Variants in DENND1A observed in about 807,000 individuals in gnomAD.
The protein encoded by DENND1A is DENN domain-containing protein 1A.
Under a neutral mutation model 113.7 loss-of-function variants are expected in DENND1A, and 51 were observed. The observed-to-expected ratio is 0.45, with a 90% CI of 0.36 to 0.57. The LOEUF (loss-of-function observed/expected upper bound fraction) is 0.57. Ranked by LOEUF, DENND1A falls within the 20% of genes least tolerant of loss-of-function variation. The probability of loss-of-function intolerance (pLI) is 0.00; values close to 1 mark genes in which losing one functional copy is unlikely to be tolerated. For missense variants in DENND1A, 1,258 were observed against 1,395.9 expected (o/e 0.90, Z 1.57); for synonymous variants, 565 against 570.8 (o/e 0.99, Z 0.14).
intron 8 of DENND1A, among the ~76,000 whole-genome samples, chr9:123,661,029 A>G (rs2063208235): frequency 3.3e-5 from 5 of 152,364 alleles, no homozygotes; most frequent in Admixed American, 2.6e-4. Flanking sequence ...GATCTGGCCC[A>G]AGCTGACAAG....
intron 1 of DENND1A, among the ~76,000 whole-genome samples, chr9:123,896,331 A>G (rs899675809): frequency 2.1e-5 from 3 of 145,684 alleles, no homozygotes; most frequent in Non-Finnish European, 3.1e-5. Flanking sequence ...ACAAACAAAC[A>G]AAAAAAAAAA....
At chr9:123,776,378 A>T (rs1202041186) in intron 3 of DENND1A, among the ~76,000 whole-genome samples, 1 of 152,204 alleles carries the variant, frequency 6.6e-6, no homozygotes. Context: ...AATATGTTCA[A>T]ACATAGGGAA....
intron 2 of DENND1A, among the ~76,000 whole-genome samples, chr9:123,826,886 G>A (rs759464313): frequency 2.2e-4 from 34 of 152,030 alleles, no homozygotes; most frequent in African/African-American, 5.1e-4. Flanking sequence ...AGAAACAGAC[G>A]AGGAAATACA....
intron 7 of DENND1A, 49 bp downstream of exon 7, chr9:123,671,242 C>T: frequency 6.2e-7 from 1 of 1,606,584 alleles, no homozygotes; most frequent in Non-Finnish European, 8.5e-7. Flanking sequence ...CTCTTACTGT[C>T]AATAATGAAA....
intron 12 of DENND1A, among the ~76,000 whole-genome samples, chr9:123,581,666 A>G (rs1017353050): frequency 2.0e-5 from 3 of 152,110 alleles, no homozygotes; most frequent in East Asian, 1.9e-4. Flanking sequence ...AGACTTCATC[A>G]ACTAATAGCA....
chr9:123,661,349 A>G (rs1451448626), intron 8 of DENND1A, among the ~76,000 whole-genome samples: 6 of 152,226 alleles, frequency 3.9e-5, no homozygotes, highest in African/African-American at 1.4e-4. Context: ...GAGGACGGGC[A>G]ATAAAGCCTT....
chr9:123,607,066 T>C (rs1258254284), intron 11 of DENND1A, among the ~76,000 whole-genome samples: 2 of 152,124 alleles, frequency 1.3e-5, no homozygotes, highest in Non-Finnish European at 2.9e-5. Context: ...AGGGACTGTG[T>C]AGGGGAGGCT....
intron 1 of DENND1A, among the ~76,000 whole-genome samples, chr9:123,921,707 T>C (rs1293888158): frequency 6.6e-6 from 1 of 152,238 alleles, no homozygotes; most frequent in African/African-American, 2.4e-5. Flanking sequence ...CCATTCTCAA[T>C]GCAGACTAAA....
At chr9:123,711,497 A>ATATG (rs1554970586) in intron 5 of DENND1A, among the ~76,000 whole-genome samples, 2,484 of 90,386 alleles carry the variant, frequency 0.027, 27 homozygotes, top group South Asian at 0.063. Context: ...ATATATATAT[A>ATATG]TATATATGTA....
intron 12 of DENND1A, among the ~76,000 whole-genome samples, chr9:123,580,576 G>A (rs2058840483): frequency 6.6e-6 from 1 of 152,172 alleles, no homozygotes; most frequent in Non-Finnish European, 1.5e-5. Flanking sequence ...CAGGGCCCTT[G>A]GCCATTTCCT....
chr9:123,771,284 A>G (rs1829685561), intron 3 of DENND1A, among the ~76,000 whole-genome samples: 1 of 152,354 alleles, frequency 6.6e-6, no homozygotes, highest in Middle Eastern at 3.4e-3. Flanking sequence ...ATAGGAAAAC[A>G]GATCACATAA....
chr9:123,553,402 C>T (rs1223845235), intron 13 of DENND1A, among the ~76,000 whole-genome samples: 12 of 65,572 alleles, frequency 1.8e-4, no homozygotes, highest in African/African-American at 1.0e-3. Context: ...TAAAAGCCGC[C>T]CCCCCCCCGC....
intron 3 of DENND1A, among the ~76,000 whole-genome samples, chr9:123,776,905 G>A (rs527655502): frequency 6.6e-5 from 10 of 152,280 alleles, no homozygotes; most frequent in Admixed American, 6.5e-4. Flanking sequence ...ATATTCAGAA[G>A]GAAGATTATA....
At chr9:123,928,581 TC>T (rs1857496175) in intron 1 of DENND1A, 1 of 985,328 alleles carries the variant, frequency 1.0e-6, no homozygotes, top group African/African-American at 1.7e-5. Context: ...ATGCGACTCT[TC>T]CATTTTCATT....
intron 9 of DENND1A, among the ~76,000 whole-genome samples, chr9:123,631,275 A>T (rs1364199864): frequency 6.6e-6 from 1 of 151,908 alleles, no homozygotes; most frequent in Non-Finnish European, 1.5e-5. Context: ...AATTGTACCT[A>T]TTTTACTTTT....
At chr9:123,574,149 G>A (rs899974825) in intron 12 of DENND1A, among the ~76,000 whole-genome samples, 39 of 135,110 alleles carry the variant, frequency 2.9e-4, no homozygotes, top group East Asian at 4.3e-4. Context: ...AAAGATTTTT[G>A]CATCTATATT....
At chr9:123,492,695 T>G (rs2051482796) in intron 13 of DENND1A, 1 of 152,200 alleles carries the variant, frequency 6.6e-6, no homozygotes, top group Non-Finnish European at 1.5e-5. Flanking sequence ...TGGCAAATCA[T>G]CTCTGCATCC....
At chr9:123,796,315 C>G (rs946811425) in intron 2 of DENND1A, among the ~76,000 whole-genome samples, 1 of 152,138 alleles carries the variant, frequency 6.6e-6, no homozygotes, top group Non-Finnish European at 1.5e-5. Flanking sequence ...ACACATTTCA[C>G]AGTATAGGAC....
chr9:123,603,644 G>A (rs1434892182), intron 11 of DENND1A, among the ~76,000 whole-genome samples: 1 of 152,090 alleles, frequency 6.6e-6, no homozygotes, highest in Non-Finnish European at 1.5e-5. Context: ...CTGGTCCCTG[G>A]GTCTCACTCC....
Sources: allele counts gnomAD v4.1 joint callset (sites outside exome capture counted in the v4.1 genomes callset), GRCh38; gene constraint gnomAD v4.1.1; transcripts MANE v1.5; gene names NCBI Gene and HGNC (gene_info 2026-07-23, HGNC 2026-07-21).